Variants in DNAJC6 observed in about 807,000 individuals in gnomAD.
DNAJC6 encodes the protein auxilin.
Under a neutral mutation model 110.0 loss-of-function variants are expected in DNAJC6, and 34 were observed. The observed-to-expected ratio is 0.31, with a 90% confidence interval of 0.24 to 0.41. DNAJC6 has a LOEUF of 0.41. Among genes scored for constraint, DNAJC6 ranks in the 10% least tolerant of loss-of-function variants. DNAJC6 has a pLI of 1.00. For missense variants in DNAJC6, 1,031 were observed against 1,207.8 expected, an observed-to-expected ratio of 0.85 and a Z score of 2.17; for synonymous variants, 406 against 437.2, an observed-to-expected ratio of 0.93 and a Z score of 0.89.
At chr1:65,411,476 A>T in intron 18 of DNAJC6, 50 bp downstream of exon 18, 1 of 1,549,756 alleles carries the variant, frequency 6.5e-7, no homozygotes, top group Non-Finnish European at 8.8e-7. Context: ...TTGCTTCATT[A>T]TCTTATGAGT....
rs534888494 is a variant in DNAJC6 at position 65,398,536 on chromosome 1, C to T, written c.2039-277C>T. ...ACACATGCTCAATGATAACTCAAAG[C>T]GTGTGGATATGGAGGTAAAACCAAA... On this transcript the variant is annotated intron_variant, in intron 13 of 18. Coordinates refer to ENST00000371069, the MANE Select transcript of DNAJC6 (RefSeq NM_001256864.2). Among the ~76,000 whole-genome samples, 12 of 152,214 alleles carry T rather than the reference C, an allele frequency of 7.9e-5. No individual in the cohort carries two copies. The East Asian group carries it at 1.9e-3, about 24-fold the overall frequency.
intron 1 of DNAJC6, among the ~76,000 whole-genome samples, chr1:65,310,377 G>A (rs1347428917): frequency 6.6e-6 from 1 of 152,218 alleles, no homozygotes; most frequent in Non-Finnish European, 1.5e-5. Flanking sequence ...CATGCAGACG[G>A]TATTTATTCC....
At chr1:65,349,053 A>C (rs1645464702) in intron 1 of DNAJC6, among the ~76,000 whole-genome samples, 1 of 143,926 alleles carries the variant, frequency 6.9e-6, no homozygotes, top group Non-Finnish European at 1.5e-5. Flanking sequence ...CATATATAAA[A>C]ATATATATGT....
At chr1:65,294,440 A>G (rs371194952) in intron 1 of DNAJC6, among the ~76,000 whole-genome samples, 13 of 152,286 alleles carry the variant, frequency 8.5e-5, no homozygotes, top group African/African-American at 2.4e-4. Flanking sequence ...TTTGAGTTCA[A>G]TTTTATCATC....
rs966113692 is a variant in DNAJC6 at position 65,410,476 on chromosome 1, T to C, written c.2635-774T>C. Among the ~76,000 whole-genome samples the C allele has an allele frequency of 5.3e-5, 8 of 152,324 alleles. No individual in the cohort carries two copies. The East Asian group carries it at 1.4e-3, about 26-fold the overall frequency. On this transcript the variant is annotated intron_variant, in intron 17 of 18. Coordinates refer to ENST00000371069, the MANE Select transcript of DNAJC6 (RefSeq NM_001256864.2). ...GACAGTTTCCTATAAAAGAAAGCTGTTTATTTCATTTAAACCATGTTTGAT... is the reference window on the plus strand; with the variant it reads ...GACAGTTTCCTATAAAAGAAAGCTGCTTATTTCATTTAAACCATGTTTGAT...
chr1:65,310,652 CG>C (rs1645090588), intron 1 of DNAJC6, among the ~76,000 whole-genome samples: 1 of 152,106 alleles, frequency 6.6e-6, no homozygotes, highest in Non-Finnish European at 1.5e-5. Flanking sequence ...AACTTTGTAT[CG>C]GGGCTTGCAA....
chr1:65,396,772 T>C (rs1165401005), intron 13 of DNAJC6, among the ~76,000 whole-genome samples: 3 of 152,194 alleles, frequency 2.0e-5, no homozygotes, highest in Non-Finnish European at 2.9e-5. Flanking sequence ...GGGAATTTTG[T>C]TTTGTTCATT....
chr1:65,334,003 A>C (rs1350716363), intron 1 of DNAJC6, among the ~76,000 whole-genome samples: 16 of 152,236 alleles, frequency 1.1e-4, no homozygotes, highest in Admixed American at 1.0e-3. Flanking sequence ...AAAAAGTTCT[A>C]CTGAAGATAC....
At chr1:65,318,122 G>C (rs10889543) in intron 1 of DNAJC6, among the ~76,000 whole-genome samples, 111,505 of 151,860 alleles carry the variant, frequency 0.73, 40,970 homozygotes, top group East Asian at 0.83. Context: ...TGGGAGGCCA[G>C]TGAAGATTTG....
intron 1 of DNAJC6, among the ~76,000 whole-genome samples, chr1:65,361,873 C>T (rs931349176): frequency 6.6e-5 from 10 of 152,106 alleles, no homozygotes; most frequent in South Asian, 2.1e-4. Context: ...AAATAGCCTA[C>T]GTGTCCATCA....
chr1:65,288,043 CCT>C (rs1654079519), intron 1 of DNAJC6, among the ~76,000 whole-genome samples: 1 of 152,128 alleles, frequency 6.6e-6, no homozygotes, highest in African/African-American at 2.4e-5. Flanking sequence ...CTGGTGTTCC[CCT>C]GTCCATTGAA....
chr1:65,278,892 T>C (rs763733925), intron 1 of DNAJC6: 38 of 893,138 alleles, frequency 4.3e-5, no homozygotes, highest in South Asian at 1.5e-4. Context: ...TGCGCTAACA[T>C]TGGAGCTGGG....
At chr1:65,347,682 T>G (rs1645450115) in intron 1 of DNAJC6, among the ~76,000 whole-genome samples, 1 of 152,024 alleles carries the variant, frequency 6.6e-6, no homozygotes, top group Non-Finnish European at 1.5e-5. Flanking sequence ...TTACCTCTTT[T>G]CCCCGTTGTC....
intron 1 of DNAJC6, among the ~76,000 whole-genome samples, chr1:65,300,469 T>C (rs1343397680): frequency 6.6e-6 from 1 of 152,132 alleles, no homozygotes; most frequent in Non-Finnish European, 1.5e-5. Context: ...ATGCATCTAG[T>C]AGATTACAGA....
chr1:65,281,064 T>C (rs954781004), intron 1 of DNAJC6, among the ~76,000 whole-genome samples: 4 of 151,958 alleles, frequency 2.6e-5, no homozygotes, highest in Admixed American at 6.6e-5. Context: ...GCCTTCTGGG[T>C]AGGTGGGTGC....
chr1:65,386,872 C>T lies in DNAJC6; in HGVS notation c.1056C>T (p.Asp352=), dbSNP rs762508326. The part of the protein sequence containing the change: ...FIPLNITVQG[D]VVVSMYHLRS... ...CCTTGAACATCACTGTGCAAGGAGACGTGGTTGTTTCCATGTATCACTTGA... is the reference window on the plus strand; with the variant it reads ...CCTTGAACATCACTGTGCAAGGAGATGTGGTTGTTTCCATGTATCACTTGA... Residue 352 remains aspartate, a synonymous_variant, in exon 8 of 19, where the codon GAC becomes GAT. Transcript: ENST00000371069. The T allele has an allele frequency of 1.7e-5, 28 of 1,613,980 alleles. No individual in the cohort carries two copies. Among genetic ancestry groups the T allele is most frequent in the Non-Finnish European group, 2.1e-5 (25 of 1,180,008 alleles).
chr1:65,344,707 C>G (rs911022991), intron 1 of DNAJC6, among the ~76,000 whole-genome samples: 2 of 152,092 alleles, frequency 1.3e-5, no homozygotes, highest in African/African-American at 2.4e-5. Context: ...TTTCCACTGT[C>G]ATGATTTACA....
intron 1 of DNAJC6, among the ~76,000 whole-genome samples, chr1:65,359,225 C>T (rs1226445552): frequency 1.3e-5 from 2 of 152,146 alleles, no homozygotes; most frequent in Non-Finnish European, 2.9e-5. Flanking sequence ...AGCCAACTAG[C>T]AATCTAGTGG....
At chr1:65,388,210 A>C in intron 8 of DNAJC6, 126 bp from the exon 9 acceptor site, 3 of 808,500 alleles carry the variant, frequency 3.7e-6, no homozygotes, top group Non-Finnish European at 6.3e-6. Flanking sequence ...GTCATTTAAT[A>C]TCCATAGTAA....
Sources: allele counts gnomAD v4.1 joint callset (sites outside exome capture counted in the v4.1 genomes callset), GRCh38; gene constraint gnomAD v4.1.1; transcripts MANE v1.5; gene names NCBI Gene and HGNC (gene_info 2026-07-23, HGNC 2026-07-21).